RABGAP1: variants seen among roughly 807,000 people sequenced by gnomAD.
RABGAP1 encodes the protein RAB GTPase activating protein 1, also known as rab GTPase-activating protein 1.
RABGAP1 carries 23 observed loss-of-function variants against 137.6 expected under a neutral mutation model. That is an observed-to-expected ratio of 0.17 (90% CI 0.12 to 0.24). The LOEUF is 0.24. RABGAP1 is among the 10% of genes least tolerant of loss of function. The pLI is 1.00. For synonymous variants in RABGAP1, 451 were observed against 450.7 expected (o/e 1.00, Z -0.01); for missense variants, 906 against 1,275.8 (o/e 0.71, Z 4.42).
intron 18 of RABGAP1, 80 bp downstream of exon 18, chr9:123,076,366 AG>A: frequency 6.7e-7 from 1 of 1,482,750 alleles, no homozygotes; most frequent in Non-Finnish European, 9.3e-7. Context: ...TCTCATTCTG[AG>A]CAGTCACTGT....
intron 2 of RABGAP1, among the ~76,000 whole-genome samples, chr9:122,972,607 A>G (rs563984980): frequency 2.6e-5 from 4 of 152,146 alleles, no homozygotes; most frequent in Non-Finnish European, 5.9e-5. Flanking sequence ...GTTTTGGGTA[A>G]ATAGGCTATA....
chr9:122,996,515 T>C, intron 7 of RABGAP1, 24 bp from the exon 8 acceptor site: 1 of 1,579,136 alleles, frequency 6.3e-7, no homozygotes, highest in Non-Finnish European at 8.6e-7. Flanking sequence ...TTTTCTTAAA[T>C]TTATGTCAGT....
chr9:123,000,421 T>C (rs1837257070), intron 10 of RABGAP1, among the ~76,000 whole-genome samples: 1 of 152,188 alleles, frequency 6.6e-6, no homozygotes, highest in Admixed American at 6.5e-5. Context: ...CAAAACTCCT[T>C]GGAAGATATC....
Position 122,979,458 on chromosome 9 carries a change from G to A in RABGAP1, c.151-5027G>A, listed in dbSNP as rs1418603916. Among the ~76,000 whole-genome samples, 46 of 152,020 alleles carry A rather than the reference G, an allele frequency of 3.0e-4. 1 individual carries two copies. The highest frequency in any genetic ancestry group is 3.0e-3 in the Admixed American group (46 of 15,266). ...TCATTCTCTTAAGAGTTTCTTTTGA[G>A]CAGAACTTTTTAATTTTAATTAAGT... is the stretch of plus-strand genomic sequence containing the variant. On this transcript the variant is annotated intron_variant, in intron 2 of 25. Transcript: ENST00000373647.
At chr9:122,981,517 A>G (rs1490640984) in intron 2 of RABGAP1, among the ~76,000 whole-genome samples, 1 of 152,174 alleles carries the variant, frequency 6.6e-6, no homozygotes, top group Non-Finnish European at 1.5e-5. Flanking sequence ...TGCAGTTCCC[A>G]GACTAGCAAC....
chr9:123,065,274 G>A, intron 13 of RABGAP1, 74 bp from the exon 14 acceptor site: 1 of 1,046,104 alleles, frequency 9.6e-7, no homozygotes. Flanking sequence ...TAAATGAGAA[G>A]ACCTTGCCTA....
Position 122,949,495 on chromosome 9 carries a change from CAA to C in RABGAP1, c.-49-7515_-49-7514del, listed in dbSNP as rs1171571663. The stretch of plus-strand genomic sequence containing the variant: ...TGCCATTGCACTCCAACCTGGGCAA[CAA>C]GAGTGAAACTCCATCTCAAAAACAA... On this transcript the variant is annotated intron_variant, in intron 1 of 25. Coordinates refer to ENST00000373647, the MANE Select transcript of RABGAP1 (RefSeq NM_012197.4). 4.0e-5 allele frequency among the ~76,000 whole-genome samples: 6 copies of C among 151,644 alleles called. No individual in the cohort carries two copies. The East Asian group carries it at 9.7e-4, about 25-fold the overall frequency.
intron 1 of RABGAP1, among the ~76,000 whole-genome samples, chr9:122,944,305 C>T (rs1460976443): frequency 6.6e-6 from 1 of 151,582 alleles, no homozygotes; most frequent in African/African-American, 2.4e-5. Flanking sequence ...TCGTAGCTCA[C>T]CTCAACCTTG....
chr9:122,953,445 A>G (rs1311189004), intron 1 of RABGAP1, among the ~76,000 whole-genome samples: 1 of 150,078 alleles, frequency 6.7e-6, no homozygotes, highest in Non-Finnish European at 1.5e-5. Flanking sequence ...CTCTGTTGCC[A>G]GGCTGGAGTG....
At chr9:123,058,050 A>AGGGGGGAG (rs1554725447) in intron 13 of RABGAP1, among the ~76,000 whole-genome samples, 2 of 136,942 alleles carry the variant, frequency 1.5e-5, no homozygotes, top group East Asian at 2.3e-4. Context: ...GTGGAAAGAG[A>AGGGGGGAG]GGGGAGAGGG....
intron 13 of RABGAP1, among the ~76,000 whole-genome samples, chr9:123,056,928 C>G (rs1190494090): frequency 6.6e-6 from 1 of 152,228 alleles, no homozygotes; most frequent in African/African-American, 2.4e-5. Flanking sequence ...CCCCACCTTT[C>G]CCCCTTTTCT....
At position 123,098,732 on chromosome 9, in the gene RABGAP1, T is replaced by A; in HGVS notation, c.2751T>A (p.Arg917=). Residue 917 remains arginine (R), a synonymous_variant, in exon 23 of 26, where the codon CGT becomes CGA. Coordinates refer to ENST00000373647, the MANE Select transcript of RABGAP1 (RefSeq NM_012197.4). The stretch of plus-strand genomic sequence containing the variant: ...GTGTGCAGTTAAAAGAAATGTGCCG[T>A]CGGGAACTCGACAAGGCAGAATCTG... ...EESAQLKEMC[R]RELDKAESEI... is the part of the protein sequence containing the mutation. The A allele has an allele frequency of 6.2e-7, 1 of 1,613,788 alleles. No individual in the cohort carries two copies. Among genetic ancestry groups the A allele is most frequent in the South Asian group, 1.1e-5 (1 of 90,978 alleles).
chr9:122,955,312 G>A (rs972112242), intron 1 of RABGAP1, among the ~76,000 whole-genome samples: 1 of 152,144 alleles, frequency 6.6e-6, no homozygotes, highest in African/African-American at 2.4e-5. Context: ...TTTGGGGCAA[G>A]GTTCTATTTT....
chr9:122,942,196 G>T (rs1012428221), intron 1 of RABGAP1, among the ~76,000 whole-genome samples: 1 of 152,214 alleles, frequency 6.6e-6, no homozygotes, highest in African/African-American at 2.4e-5. Flanking sequence ...AAAAACAACG[G>T]AAGGTGAATG....
intron 11 of RABGAP1, among the ~76,000 whole-genome samples, chr9:123,014,761 G>C (rs559685313): frequency 6.6e-6 from 1 of 150,718 alleles, no homozygotes; most frequent in South Asian, 2.1e-4. Context: ...AAGAAAAGAG[G>C]CTTAATTAAT....
At chr9:123,011,321 T>C (rs2030786827) in intron 11 of RABGAP1, among the ~76,000 whole-genome samples, 1 of 152,194 alleles carries the variant, frequency 6.6e-6, no homozygotes, top group South Asian at 2.1e-4. Flanking sequence ...GTTGGGACTT[T>C]TAAGTGCAAG....
At chr9:123,101,345 A>G (rs1389483739) in intron 24 of RABGAP1, among the ~76,000 whole-genome samples, 1 of 152,164 alleles carries the variant, frequency 6.6e-6, no homozygotes, top group Non-Finnish European at 1.5e-5. Flanking sequence ...TAGAAGTGAG[A>G]TTACTGAATC....
chr9:122,964,156 C>G (rs1210218995), intron 2 of RABGAP1, among the ~76,000 whole-genome samples: 2 of 152,138 alleles, frequency 1.3e-5, no homozygotes, highest in African/African-American at 4.8e-5. Flanking sequence ...GAATTAATAT[C>G]TATTCTGCAC....
intron 6 of RABGAP1, among the ~76,000 whole-genome samples, chr9:122,995,274 C>T (rs1042611358): frequency 6.6e-6 from 1 of 152,172 alleles, no homozygotes. Context: ...ATATCTTCCT[C>T]ATTTCTATTA....
Sources: gnomAD v4.1 joint callset for allele counts (sites outside exome capture counted in the v4.1 genomes callset) on GRCh38, gnomAD v4.1.1 for gene constraint, MANE v1.5 for transcripts, NCBI Gene and HGNC (gene_info 2026-07-23, HGNC 2026-07-21) for gene names.